The following GUCA1C variants were observed in gnomAD, a reference collection of about 807,000 sequenced individuals.
GUCA1C encodes guanylate cyclase activator 1C, also known as guanylyl cyclase-activating protein 3.
GUCA1C carries 15 observed loss-of-function variants against 16.2 expected under a neutral mutation model. That is an observed-to-expected ratio of 0.93 (90% CI 0.62 to 1.43). GUCA1C has a LOEUF of 1.43. Among genes scored for constraint, GUCA1C ranks in the 40% most tolerant of loss-of-function variants. The probability of loss-of-function intolerance (pLI) is 0.00; values close to 1 mark genes in which losing one functional copy is unlikely to be tolerated. For synonymous variants in GUCA1C, 78 were observed against 85.4 expected (o/e 0.91, Z 0.48); for missense variants, 275 against 244.8 (o/e 1.12, Z -0.82).
At chr3:108,923,839 T>G (rs1338458605) in intron 1 of GUCA1C, among the ~76,000 whole-genome samples, 5 of 152,200 alleles carry the variant, frequency 3.3e-5, no homozygotes, top group Non-Finnish European at 1.5e-5. Context: ...AGCAGTGTTT[T>G]GTAGTTTTCC....
chr3:108,950,142 A>C (rs934482969), intron 1 of GUCA1C, among the ~76,000 whole-genome samples: 2 of 152,110 alleles, frequency 1.3e-5, no homozygotes, highest in African/African-American at 4.8e-5. Context: ...TTGATTATGC[A>C]TTACTTGTCT....
chr3:108,936,205 T>A (rs1311860898), intron 1 of GUCA1C, among the ~76,000 whole-genome samples: 2 of 152,070 alleles, frequency 1.3e-5, no homozygotes, highest in Non-Finnish European at 1.5e-5. Flanking sequence ...GAGGTTGAGA[T>A]GAGCTGTGAT....
chr3:108,919,018 G>A (rs1227653898), intron 2 of GUCA1C, among the ~76,000 whole-genome samples: 1 of 151,982 alleles, frequency 6.6e-6, no homozygotes, highest in Non-Finnish European at 1.5e-5. Flanking sequence ...TCAGCTTTTA[G>A]CCTCTTGACG....
At chr3:108,921,355 A>G (rs1456578557) in intron 1 of GUCA1C, among the ~76,000 whole-genome samples, 2 of 152,054 alleles carry the variant, frequency 1.3e-5, no homozygotes, top group East Asian at 3.9e-4. Context: ...TTCCTGCAGG[A>G]CATTTTGGTT....
intron 3 of GUCA1C, among the ~76,000 whole-genome samples, chr3:108,912,420 T>A (rs1473818375): frequency 6.6e-6 from 1 of 152,108 alleles, no homozygotes; most frequent in East Asian, 1.9e-4. Flanking sequence ...CATTTTTGAA[T>A]AATATTGAAT....
At chr3:108,946,519 A>C (rs1676854511) in intron 1 of GUCA1C, among the ~76,000 whole-genome samples, 2 of 152,160 alleles carry the variant, frequency 1.3e-5, no homozygotes, top group Admixed American at 1.3e-4. Flanking sequence ...TAATTGCCTC[A>C]TTGTAATCAG....
intron 1 of GUCA1C, among the ~76,000 whole-genome samples, chr3:108,932,781 C>G (rs533102774): frequency 6.6e-6 from 1 of 151,744 alleles, no homozygotes; most frequent in African/African-American, 2.4e-5. Context: ...ATTAGCCGGG[C>G]GTGGCGGCGC....
intron 1 of GUCA1C, among the ~76,000 whole-genome samples, chr3:108,920,788 A>C (rs1946562774): frequency 6.6e-6 from 1 of 152,226 alleles, no homozygotes; most frequent in Non-Finnish European, 1.5e-5. Flanking sequence ...AAGCGCCTTA[A>C]GTAAATAGGC....
intron 1 of GUCA1C, among the ~76,000 whole-genome samples, chr3:108,950,259 T>C (rs1189181814): frequency 6.6e-6 from 1 of 152,246 alleles, no homozygotes; most frequent in Non-Finnish European, 1.5e-5. Context: ...TTCCATTGCA[T>C]ATACATGGCA....
rs72935322 is a variant in GUCA1C, at chr3:108,952,212, T to C, written c.204+1347A>G. ...AGAGAAAGAAAGAGAAAACTGAGAT[T>C]GAGAGCTGAGAGAGACATACACAGG... On this transcript the variant is annotated intron_variant, in intron 1 of 3. Transcript: ENST00000261047. Among the ~76,000 whole-genome samples the C allele has an allele frequency of 7.0e-3, 1,069 of 152,222 alleles. 11 individuals are homozygous for C. The highest frequency in any genetic ancestry group is 0.023 in the African/African-American group (975 of 41,518).
intron 1 of GUCA1C, among the ~76,000 whole-genome samples, chr3:108,944,000 A>AC (rs1393854774): frequency 1.3e-5 from 2 of 152,100 alleles, no homozygotes; most frequent in African/African-American, 2.4e-5. Context: ...ATATAATGAT[A>AC]AACCAAATTT....
intron 2 of GUCA1C, among the ~76,000 whole-genome samples, chr3:108,918,899 A>T (rs903848920): frequency 1.3e-5 from 2 of 152,076 alleles, no homozygotes; most frequent in Non-Finnish European, 2.9e-5. Context: ...TCAGTTTTTT[A>T]AAATTTTTTG....
chr3:108,908,352 T>TAAAAAAAAAAA lies in GUCA1C; in HGVS notation c.443-144_443-143insTTTTTTTTTTT, dbSNP rs1468970590. The TAAAAAAAAAAA allele has an allele frequency of 5.8e-6, 2 of 346,658 alleles. 1 individual carries two copies. Among genetic ancestry groups the TAAAAAAAAAAA allele is most frequent in the African/African-American group, 5.5e-5 (2 of 36,356 alleles). 21.5% of individuals were successfully genotyped at this position (346,658 alleles called of 1,614,324 possible). On this transcript the variant is annotated intron_variant, in intron 3 of 3. Transcript: ENST00000261047. ...TCTAAGATCTTTGAAGATCTTCATT[T>TAAAAAAAAAAA]AAACAAAAAAAAAAAAAAAAAGCAT...
intron 1 of GUCA1C, among the ~76,000 whole-genome samples, chr3:108,927,432 C>CTT (rs55930777): frequency 0.031 from 4,036 of 128,204 alleles, 100 homozygotes; most frequent in Middle Eastern, 0.093. Context: ...TTTTTTAATT[C>CTT]TTTTTTTTTT....
Position 108,953,574 on chromosome 3 carries a change from G to A in GUCA1C, c.189C>T (p.Thr63=). Residue 63 remains threonine, a synonymous_variant, in exon 1 of 4, where the codon ACC becomes ACT. Transcript: ENST00000261047. ...AAGATCTTACCTTGTTCGTGTCAAA[G>A]GTATTATAAACTTGATCAATATGTT... The part of the protein sequence containing the change: ...ANKHIDQVYN[T]FDTNKDGFVD... 2 of 1,602,226 alleles carry A rather than the reference G, an allele frequency of 1.2e-6. No homozygotes were observed. The highest frequency in any genetic ancestry group is 1.7e-4 in the Middle Eastern group (1 of 6,026).
intron 2 of GUCA1C, among the ~76,000 whole-genome samples, chr3:108,920,204 T>C (rs1946555962): frequency 1.3e-5 from 2 of 152,210 alleles, no homozygotes; most frequent in Non-Finnish European, 1.5e-5. Flanking sequence ...TTCATCGCAA[T>C]GCTCTGTTAA....
At chr3:108,936,432 A>G (rs1479654285) in intron 1 of GUCA1C, among the ~76,000 whole-genome samples, 5 of 152,224 alleles carry the variant, frequency 3.3e-5, no homozygotes, top group African/African-American at 1.2e-4. Flanking sequence ...TTTGTAGGTC[A>G]TCTTATTATT....
intron 1 of GUCA1C, among the ~76,000 whole-genome samples, chr3:108,935,064 C>T (rs1266451775): frequency 3.3e-5 from 5 of 151,848 alleles, no homozygotes; most frequent in East Asian, 2.0e-4. Context: ...CCGCCCGCCT[C>T]GGCCTCCCAA....
At chr3:108,921,288 T>C (rs989249526) in intron 1 of GUCA1C, among the ~76,000 whole-genome samples, 2 of 152,208 alleles carry the variant, frequency 1.3e-5, no homozygotes, top group African/African-American at 4.8e-5. Context: ...TCATTTCTTT[T>C]CAGCACTAAA....
Sources: allele counts gnomAD v4.1 joint callset (sites outside exome capture counted in the v4.1 genomes callset), GRCh38; gene constraint gnomAD v4.1.1; transcripts MANE v1.5; gene names NCBI Gene and HGNC (gene_info 2026-07-23, HGNC 2026-07-21).